MAL2: variants seen among roughly 807,000 people sequenced by gnomAD.
MAL2 encodes the protein protein MAL2.
A neutral mutation model predicts 18.1 loss-of-function variants in MAL2; 17 were observed. The ratio of observed to expected loss-of-function variants is 0.94; its 90% CI spans 0.64 to 1.41. The LOEUF (loss-of-function observed/expected upper bound fraction) is 1.41. Ranked by LOEUF, MAL2 falls within the 40% of genes most tolerant of loss-of-function variation. The pLI is 0.00. For missense variants in MAL2, 222 were observed against 231.9 expected (o/e 0.96, Z 0.28); for synonymous variants, 102 against 102.3 (o/e 1.00, Z 0.02).
chr8:119,242,903 G>C (rs934077058), intron 3 of MAL2, among the ~76,000 whole-genome samples: 1 of 152,222 alleles, frequency 6.6e-6, no homozygotes, highest in Non-Finnish European at 1.5e-5. Context: ...GTAGAGTGCA[G>C]ATTTGTACAC....
At chr8:119,212,521 A>G (rs950708939) in intron 1 of MAL2, among the ~76,000 whole-genome samples, 1 of 152,212 alleles carries the variant, frequency 6.6e-6, no homozygotes, top group Non-Finnish European at 1.5e-5. Flanking sequence ...CTGCCCTTAA[A>G]AGAAATTACT....
chr8:119,221,558 A>G (rs1490279819), intron 1 of MAL2, 29 bp from the exon 2 acceptor site: 2 of 1,611,794 alleles, frequency 1.2e-6, no homozygotes, highest in African/African-American at 2.7e-5. Context: ...TCTTTTAAGC[A>G]AACCAATTAC....
intron 1 of MAL2, among the ~76,000 whole-genome samples, chr8:119,211,612 A>G (rs560228097): frequency 1.6e-4 from 25 of 152,160 alleles, no homozygotes; most frequent in Admixed American, 8.5e-4. Context: ...AAATATATAA[A>G]TAGTGCCAGC....
At chr8:119,222,660 T>G (rs962711716) in intron 2 of MAL2, among the ~76,000 whole-genome samples, 5 of 151,890 alleles carry the variant, frequency 3.3e-5, no homozygotes, top group Admixed American at 6.6e-5. Flanking sequence ...TAACCCTGTC[T>G]CTACAAAAAC....
intron 1 of MAL2, 120 bp from the exon 2 acceptor site, chr8:119,221,467 A>G: frequency 8.3e-7 from 1 of 1,204,640 alleles, no homozygotes; most frequent in Non-Finnish European, 1.2e-6. Flanking sequence ...GGTTGCTGGA[A>G]TATGTGCAGG....
At chr8:119,236,322 T>TAA (rs1817891318) in intron 2 of MAL2, among the ~76,000 whole-genome samples, 1 of 148,216 alleles carries the variant, frequency 6.7e-6, no homozygotes, top group Non-Finnish European at 1.5e-5. Context: ...CAAAGAGACT[T>TAA]AGACTCCCAC....
rs200940475 is a variant in MAL2 at position 119,236,744 on chromosome 8, C to T, written c.304-3421C>T. ...AAATAAAGATGTTCTTTGAAACCAA[C>T]GAGAACAAAGACACAACATAGCAGA... On this transcript the variant is annotated intron_variant, in intron 2 of 3. Transcript: ENST00000614891. Among the ~76,000 whole-genome samples, 699 of 150,434 alleles carry T rather than the reference C, an allele frequency of 4.6e-3. 8 individuals are homozygous for T. The highest frequency in any genetic ancestry group is 0.022 in the East Asian group (111 of 5,162).
At chr8:119,226,487 T>G (rs572494311) in intron 2 of MAL2, among the ~76,000 whole-genome samples, 1 of 112,454 alleles carries the variant, frequency 8.9e-6, no homozygotes, top group Admixed American at 1.2e-4. Flanking sequence ...GAATGTGAGA[T>G]ATAGTCACTT....
chr8:119,224,153 T>C (rs1266949517), intron 2 of MAL2: 1 of 152,232 alleles, frequency 6.6e-6, no homozygotes, highest in Non-Finnish European at 1.5e-5. Context: ...TCATGATAGA[T>C]AGCTTCAGCA....
intron 2 of MAL2, among the ~76,000 whole-genome samples, chr8:119,232,681 G>A (rs1486648423): frequency 7.2e-5 from 11 of 151,898 alleles, no homozygotes; most frequent in Admixed American, 7.2e-4. Flanking sequence ...AAAAATAACT[G>A]CTCAAAAATA....
At chr8:119,212,468 A>G (rs1411379978) in intron 1 of MAL2, among the ~76,000 whole-genome samples, 1 of 152,240 alleles carries the variant, frequency 6.6e-6, no homozygotes, top group Non-Finnish European at 1.5e-5. Flanking sequence ...CTATGCATCA[A>G]GCCTTCTTTT....
intron 3 of MAL2, among the ~76,000 whole-genome samples, chr8:119,240,579 G>T (rs1818027191): frequency 6.6e-6 from 1 of 152,230 alleles, no homozygotes; most frequent in Non-Finnish European, 1.5e-5. Flanking sequence ...GCTTGGCTTT[G>T]CACAGCAGTG....
chr8:119,235,218 G>T (rs1817852911), intron 2 of MAL2, among the ~76,000 whole-genome samples: 1 of 151,774 alleles, frequency 6.6e-6, no homozygotes, highest in African/African-American at 2.4e-5. Flanking sequence ...AGCAATAGAA[G>T]ATGAAATGAA....
intron 2 of MAL2, among the ~76,000 whole-genome samples, chr8:119,226,917 A>G (rs1817608943): frequency 6.6e-6 from 1 of 152,188 alleles, no homozygotes; most frequent in Admixed American, 6.5e-5. Context: ...TGGGCTGTCA[A>G]ATGCAATGAG....
rs1400459163 is a variant in MAL2 at position 119,244,667 on chromosome 8, AGTT to A, written c.*1182_*1184del. The A allele has an allele frequency of 1.3e-5, 2 of 152,160 alleles. No homozygotes were observed. The highest frequency in any genetic ancestry group is 2.9e-5 in the Non-Finnish European group (2 of 68,036). The allele number at this position is 152,160 out of a possible 1,614,324, so 9.4% of individuals were successfully genotyped here. A position where few individuals can be genotyped will look rare whatever the true frequency, so the allele number is the denominator to read the frequency against. On this transcript the variant is annotated 3_prime_UTR_variant, in exon 4 of 4. Transcript: ENST00000614891. ...AATTTGAATAGAGTATTAAATATAAAGTTGTAGATTCTTATGTGTTTTTGTATT... is the reference window on the plus strand; with the variant it reads ...AATTTGAATAGAGTATTAAATATAAAGTAGATTCTTATGTGTTTTTGTATT...
At chr8:119,222,024 C>T (rs535657864) in intron 2 of MAL2, among the ~76,000 whole-genome samples, 1 of 152,310 alleles carries the variant, frequency 6.6e-6, no homozygotes, top group East Asian at 1.9e-4. Context: ...TGTTTCATTT[C>T]ATACGGCAAA....
chr8:119,235,638 A>C (rs1354202419), intron 2 of MAL2, among the ~76,000 whole-genome samples: 3 of 151,936 alleles, frequency 2.0e-5, no homozygotes, highest in Non-Finnish European at 2.9e-5. Context: ...AGTGGGGGCC[A>C]ATATTCAACA....
At chr8:119,239,910 A>T (rs1818010123) in intron 2 of MAL2, among the ~76,000 whole-genome samples, 1 of 152,222 alleles carries the variant, frequency 6.6e-6, no homozygotes, top group Non-Finnish European at 1.5e-5. Context: ...GTATAATAAT[A>T]AAAAAATAAA....
At chr8:119,225,708 A>G (rs1817579588) in intron 2 of MAL2, among the ~76,000 whole-genome samples, 1 of 152,200 alleles carries the variant, frequency 6.6e-6, no homozygotes, top group Non-Finnish European at 1.5e-5. Flanking sequence ...GACTTCCACA[A>G]TGGTTGAACT....
Sources: allele counts gnomAD v4.1 joint callset (sites outside exome capture counted in the v4.1 genomes callset), GRCh38; gene constraint gnomAD v4.1.1; transcripts MANE v1.5; gene names NCBI Gene and HGNC (gene_info 2026-07-23, HGNC 2026-07-21).